The following SRCIN1 variants were observed in gnomAD, a reference collection of about 807,000 sequenced individuals.
SRCIN1 encodes SRC kinase signaling inhibitor 1.
In SRCIN1, 50 loss-of-function variants were observed where a neutral mutation model predicts 116.2. The observed-to-expected ratio is 0.43, with a 90% confidence interval of 0.34 to 0.54. The LOEUF is 0.54. SRCIN1 is among the 20% of genes least tolerant of loss of function. The pLI, the probability that SRCIN1 is intolerant of heterozygous loss-of-function variation, is 0.02. For synonymous variants in SRCIN1, 736 were observed against 750.0 expected, an observed-to-expected ratio of 0.98 and a Z score of 0.30; for missense variants, 1,446 against 1,672.0, an observed-to-expected ratio of 0.86 and a Z score of 2.36.
Position 38,552,664 on chromosome 17 carries a change from T to G in SRCIN1, c.2332+61A>C. 2 of 1,613,180 alleles carry G rather than the reference T, an allele frequency of 1.2e-6. No homozygotes were observed. The highest frequency in any genetic ancestry group is 2.2e-5 in the South Asian group (2 of 91,044). ...CAGACTGGGAGGAGAGGATGGTGGC[T>G]GGAGTATGGCAGACTTCCCCACCCT... On this transcript the variant is annotated intron_variant, in intron 12 of 18. Transcript: ENST00000617146. This position sits in a 1 kb window ranked among gnomAD's most constrained non-coding sequence, Gnocchi z 5.3.
In SRCIN1 at chr17:38,602,860, T is replaced by TAAACA. The variant is rs1442164223; in HGVS notation, c.22+2823_22+2824insTGTTT. On this transcript the variant is annotated intron_variant, in intron 1 of 18. Coordinates refer to ENST00000617146, the MANE Select transcript of SRCIN1 (RefSeq NM_025248.3). This position sits in a 1 kb window ranked among gnomAD's most constrained non-coding sequence, Gnocchi z 4.2. ...CAGGATGACAGACGCCATGAACTGT[T>TAAACA]CTTCCTTGAGCCCCAAACTCAGCTC... 6.6e-6 allele frequency among the ~76,000 whole-genome samples: 1 copy of TAAACA among 152,142 alleles called. No homozygotes were observed. The highest frequency in any genetic ancestry group is 2.4e-5 in the African/African-American group (1 of 41,410).
chr17:38,560,585 C>A (rs1906168028), intron 7 of SRCIN1, among the ~76,000 whole-genome samples, 160 bp from the exon 8 acceptor site: 2 of 152,182 alleles, frequency 1.3e-5, no homozygotes, highest in Non-Finnish European at 2.9e-5. Flanking sequence ...GGATCAAGCC[C>A]ACAGCCTCCC....
chr17:38,561,749 G>A lies in SRCIN1; in HGVS notation c.1414C>T (p.Pro472Ser). Reference protein sequence around the residue: ...YGDGYGFRLPPSSPQKLADVA... With the variant: ...YGDGYGFRLPSSSPQKLADVA... The stretch of plus-strand genomic sequence containing the variant: ...TCGGCCAGCTTCTGCGGTGACGAAG[G>A]CGGCAGGCGGAAGCCGTAGCCGTCG... The change falls in exon 7 of 19, where the codon CCT (proline) becomes TCT (serine). Residue 472 changes from proline (P) to serine (S), a missense_variant. Physicochemically the swap from Pro to Ser is moderately conservative, Grantham distance 74 (BLOSUM62 -1). Transcript: ENST00000617146. 1.3e-6 allele frequency: 2 copies of A among 1,514,216 alleles called. No individual in the cohort carries two copies. Among genetic ancestry groups the A allele is most frequent in the South Asian group, 1.2e-5 (1 of 82,070 alleles). The allele number at this position is 1,514,216 out of a possible 1,614,324, so 93.8% of individuals were successfully genotyped here.
intron 11 of SRCIN1, among the ~76,000 whole-genome samples, chr17:38,556,706 G>T (rs1325080137): frequency 6.6e-6 from 1 of 152,202 alleles, no homozygotes; most frequent in Non-Finnish European, 1.5e-5. Context: ...GGAGAATCCT[G>T]CCAGAAACAG....
chr17:38,574,458 T>A lies in SRCIN1; in HGVS notation c.324+4032A>T, dbSNP rs2429989. ...GAGAGAGACTTCATGCAGAACTTCC[T>A]GATGGTGGGACATCTGGGGAAGGCT... On this transcript the variant is annotated intron_variant, in intron 2 of 18. Coordinates refer to ENST00000617146, the MANE Select transcript of SRCIN1 (RefSeq NM_025248.3). 7.2e-3 allele frequency among the ~76,000 whole-genome samples: 1,096 copies of A among 152,148 alleles called. 13 individuals carry two copies. Among genetic ancestry groups the A allele is most frequent in the African/African-American group, 0.026 (1,060 of 41,450 alleles).
chr17:38,577,512 G>C (rs1907492741), intron 2 of SRCIN1, among the ~76,000 whole-genome samples: 1 of 152,172 alleles, frequency 6.6e-6, no homozygotes, highest in Non-Finnish European at 1.5e-5. Flanking sequence ...CCCATCCCCA[G>C]CTACATCCAG....
At chr17:38,571,590 T>A (rs1039504605) in intron 2 of SRCIN1, among the ~76,000 whole-genome samples, 3 of 152,022 alleles carry the variant, frequency 2.0e-5, no homozygotes, top group Non-Finnish European at 4.4e-5. Flanking sequence ...TCCCCCATAG[T>A]CAGGGAGGGG....
At chr17:38,566,864 CG>C (rs552366876) in intron 3 of SRCIN1, among the ~76,000 whole-genome samples, 56 of 43,512 alleles carry the variant, frequency 1.3e-3, no homozygotes, top group African/African-American at 3.1e-3. Context: ...TGTTTTGTTT[CG>C]TTTCCTTCCT....
At position 38,531,386 on chromosome 17, in the gene SRCIN1, T is replaced by C. The variant is rs1380256315; in HGVS notation, c.*1911A>G. On this transcript the variant is annotated 3_prime_UTR_variant, in exon 19 of 19. Coordinates refer to ENST00000617146, the MANE Select transcript of SRCIN1 (RefSeq NM_025248.3). Reference sequence around the variant, plus strand: ...ACAGTGGCCAGGGAGAGTGCCGTGGTTTTCTTTTTTTTTTCTTTTTTAAAT... The same window carrying C: ...ACAGTGGCCAGGGAGAGTGCCGTGGCTTTCTTTTTTTTTTCTTTTTTAAAT... 1 of 134,132 alleles carries C rather than the reference T, an allele frequency of 7.5e-6. No homozygotes were observed. The highest frequency in any genetic ancestry group is 7.4e-5 in the Admixed American group (1 of 13,602). 8.3% of individuals were successfully genotyped at this position (134,132 alleles called of 1,614,324 possible). A position where few individuals can be genotyped will look rare whatever the true frequency, so the allele number is the denominator to read the frequency against.
intron 1 of SRCIN1, among the ~76,000 whole-genome samples, chr17:38,589,061 C>T (rs1208562659): frequency 1.2e-4 from 19 of 152,238 alleles, no homozygotes; most frequent in Admixed American, 1.2e-3. Context: ...CAAACCTGTG[C>T]ACCTCGGCAT....
chr17:38,533,085 A>T lies in SRCIN1; in HGVS notation c.*212T>A, dbSNP rs1164485576. 1 of 430,024 alleles carries T rather than the reference A, an allele frequency of 2.3e-6. No individual in the cohort carries two copies. The highest frequency in any genetic ancestry group is 3.8e-6 in the Non-Finnish European group (1 of 262,958). The allele number at this position is 430,024 out of a possible 1,614,324, so 26.6% of individuals were successfully genotyped here. ...TACTGTTTAAAAAAAGATAATTAAA[A>T]GTTAATTGTTAAAAAAAAAAAAAAA... On this transcript the variant is annotated 3_prime_UTR_variant, in exon 19 of 19. Transcript: ENST00000617146.
chr17:38,585,133 C>T lies in SRCIN1; in HGVS notation c.23-6342G>A, dbSNP rs149687734. The stretch of plus-strand genomic sequence containing the variant: ...GCTGGGTTATAGCCCTGGCAGGAAG[C>T]GAGGGCAGGAGGCACTCAGGGTGAA... On this transcript the variant is annotated intron_variant, in intron 1 of 18. Transcript: ENST00000617146. The surrounding 1 kb of genome is among the most constrained non-coding windows in gnomAD (Gnocchi z 4.2). Among the ~76,000 whole-genome samples, 220 of 152,244 alleles carry T rather than the reference C, an allele frequency of 1.4e-3. No individual in the cohort carries two copies. Among genetic ancestry groups the T allele is most frequent in the East Asian group, 0.012 (60 of 5,172 alleles).
Position 38,552,639 on chromosome 17 carries a change from C to A in SRCIN1, c.2333-45G>T. On this transcript the variant is annotated intron_variant, in intron 12 of 18. Coordinates refer to ENST00000617146, the MANE Select transcript of SRCIN1 (RefSeq NM_025248.3). The surrounding 1 kb of genome is among the most constrained non-coding windows in gnomAD (Gnocchi z 5.3). ...TGAGCTGGGGCCAGAGGGAGCACCACAGACTGGGAGGAGAGGATGGTGGCT... is the reference window on the plus strand; with the variant it reads ...TGAGCTGGGGCCAGAGGGAGCACCAAAGACTGGGAGGAGAGGATGGTGGCT... The A allele has an allele frequency of 1.9e-6, 3 of 1,613,066 alleles. No individual in the cohort carries two copies. The highest frequency in any genetic ancestry group is 2.5e-6 in the Non-Finnish European group (3 of 1,179,806).
intron 2 of SRCIN1, among the ~76,000 whole-genome samples, chr17:38,573,935 G>C (rs1455709402): frequency 6.6e-6 from 1 of 152,226 alleles, no homozygotes; most frequent in Non-Finnish European, 1.5e-5. Flanking sequence ...ATGCCAATCT[G>C]TTACTAGACT....
At chr17:38,580,861 G>A (rs1260086524) in intron 1 of SRCIN1, among the ~76,000 whole-genome samples, 2 of 152,134 alleles carry the variant, frequency 1.3e-5, no homozygotes, top group Non-Finnish European at 2.9e-5. Flanking sequence ...GGGGGGACAG[G>A]GTCTTGCTCT....
Position 38,562,090 on chromosome 17 carries a change from G to C in SRCIN1, c.1073C>G (p.Ala358Gly). ...AAERLGGAPAAQGVSPSPSAI... is the reference protein window; with the variant it reads ...AAERLGGAPAGQGVSPSPSAI... ...GCTGGGGCTGGGGCTGACGCCCTGG[G>C]CGGCCGGGGCGCCTCCCAGCCTCTC... Residue 358 changes from alanine (A) to glycine (G), a missense_variant, in exon 7 of 19, where the codon GCC (alanine) becomes GGC (glycine). Physicochemically the swap from Ala to Gly is moderately conservative, Grantham distance 60 (BLOSUM62 0). Transcript: ENST00000617146. This position sits in a 1 kb window ranked among gnomAD's most constrained non-coding sequence, Gnocchi z 4.2. 6.9e-7 allele frequency: 1 copy of C among 1,440,912 alleles called. No homozygotes were observed. Among genetic ancestry groups the C allele is most frequent in the Non-Finnish European group, 9.1e-7 (1 of 1,103,442 alleles). The allele number at this position is 1,440,912 out of a possible 1,614,324, so 89.3% of individuals were successfully genotyped here. A position where few individuals can be genotyped will look rare whatever the true frequency, so the allele number is the denominator to read the frequency against.
intron 18 of SRCIN1, among the ~76,000 whole-genome samples, chr17:38,539,488 G>A (rs1904592064): frequency 6.6e-6 from 1 of 152,132 alleles, no homozygotes; most frequent in South Asian, 2.1e-4. Flanking sequence ...TGGGGTCTGT[G>A]GCAGGGTGAG....
intron 18 of SRCIN1, 21 bp downstream of exon 18, chr17:38,543,802 C>T (rs912610300): frequency 6.2e-7 from 1 of 1,600,226 alleles, no homozygotes; most frequent in Non-Finnish European, 8.5e-7. Flanking sequence ...CCTGGGTGGC[C>T]CCCACAGTCC....
intron 2 of SRCIN1, among the ~76,000 whole-genome samples, chr17:38,570,969 C>T (rs1907044509): frequency 6.6e-6 from 1 of 152,242 alleles, no homozygotes; most frequent in Admixed American, 6.5e-5. Context: ...AATCCTGCCC[C>T]TCCATCCTCT....
Sources: allele counts gnomAD v4.1 joint callset (sites outside exome capture counted in the v4.1 genomes callset), GRCh38; gene constraint gnomAD v4.1.1; non-coding constraint Gnocchi (gnomAD v3.1); transcripts MANE v1.5; gene names NCBI Gene and HGNC (gene_info 2026-07-23, HGNC 2026-07-21).